CAMTA1: variants seen among roughly 807,000 people sequenced by gnomAD.
CAMTA1 encodes the protein calmodulin binding transcription activator 1.
CAMTA1 carries 27 observed loss-of-function variants against 170.9 expected under a neutral mutation model. The observed-to-expected ratio is 0.16, with a 90% confidence interval of 0.12 to 0.22. The LOEUF (loss-of-function observed/expected upper bound fraction) is 0.22. CAMTA1 is among the 10% of genes least tolerant of loss of function. CAMTA1 has a pLI of 1.00. For missense variants in CAMTA1, 1,619 were observed against 2,217.2 expected (o/e 0.73, Z 5.42); for synonymous variants, 833 against 891.5 (o/e 0.93, Z 1.17).
intron 5 of CAMTA1, among the ~76,000 whole-genome samples, chr1:7,283,956 C>T (rs1346852709): frequency 6.6e-6 from 1 of 152,152 alleles, no homozygotes; most frequent in Non-Finnish European, 1.5e-5. Flanking sequence ...AGGAACTAGG[C>T]ATCTGGAGCC....
At chr1:6,888,019 A>G in intron 3 of CAMTA1, 1 of 1,136,452 alleles carries the variant, frequency 8.8e-7, no homozygotes, top group Non-Finnish European at 1.1e-6. Flanking sequence ...CTGTCCCCTC[A>G]GCAAGCTGCC....
At chr1:7,629,223 CAA>C (rs1000053895) in intron 6 of CAMTA1, among the ~76,000 whole-genome samples, 1 of 152,222 alleles carries the variant, frequency 6.6e-6, no homozygotes, top group Non-Finnish European at 1.5e-5. Flanking sequence ...AGGTCCCTGG[CAA>C]GAGAGAGAAG....
chr1:7,209,474 TC>T (rs893512304), intron 4 of CAMTA1, among the ~76,000 whole-genome samples: 1 of 152,212 alleles, frequency 6.6e-6, no homozygotes, highest in African/African-American at 2.4e-5. Context: ...ATTAATTGCA[TC>T]TTTGATGGTG....
chr1:7,767,417 G>C lies in CAMTA1; in HGVS notation c.*926G>C, dbSNP rs2097030253. 1 of 152,830 alleles carries C rather than the reference G, an allele frequency of 6.5e-6. No individual in the cohort carries two copies. The highest frequency in any genetic ancestry group is 1.5e-5 in the Non-Finnish European group (1 of 68,028). The allele number at this position is 152,830 out of a possible 1,614,324, so 9.5% of individuals were successfully genotyped here. ...AATCATGAACCTTGCCTGGACATTT[G>C]CCACCTAAACGATCAGTGTGGTGCT... On this transcript the variant is annotated 3_prime_UTR_variant, in exon 23 of 23. Transcript: ENST00000303635.
At chr1:6,930,898 G>A (rs1684287325) in intron 3 of CAMTA1, among the ~76,000 whole-genome samples, 1 of 152,240 alleles carries the variant, frequency 6.6e-6, no homozygotes, top group South Asian at 2.1e-4. Context: ...CCCTCAGCCT[G>A]GCTCTGGGCA....
At chr1:7,070,256 C>T (rs1263594312) in intron 3 of CAMTA1, among the ~76,000 whole-genome samples, 1 of 152,162 alleles carries the variant, frequency 6.6e-6, no homozygotes, top group Non-Finnish European at 1.5e-5. Context: ...ACGGAGGGGC[C>T]AGAAAGGAGG....
chr1:7,190,867 A>G (rs1389196647), intron 4 of CAMTA1, among the ~76,000 whole-genome samples: 1 of 152,214 alleles, frequency 6.6e-6, no homozygotes, highest in Non-Finnish European at 1.5e-5. Context: ...CATGTTTTAC[A>G]CATAAGGATA....
chr1:7,041,336 CA>C lies in CAMTA1; in HGVS notation c.235-49967del, dbSNP rs1277434716. On this transcript the variant is annotated intron_variant, in intron 3 of 22. Coordinates refer to ENST00000303635, the MANE Select transcript of CAMTA1 (RefSeq NM_015215.4). This position sits in a 1 kb window ranked among gnomAD's most constrained non-coding sequence, Gnocchi z 5.1. Reference sequence around the variant, plus strand: ...TGGGCTGTGGCTGCTGTGGCTTTGCCAGCATCTATTGTCTAAGAGGGCTGGG... The same window carrying C: ...TGGGCTGTGGCTGCTGTGGCTTTGCCGCATCTATTGTCTAAGAGGGCTGGG... Among the ~76,000 whole-genome samples, 14 of 152,342 alleles carry C rather than the reference CA, an allele frequency of 9.2e-5. No individual in the cohort carries two copies. Among genetic ancestry groups the C allele is most frequent in the African/African-American group, 3.4e-4 (14 of 41,588 alleles).
chr1:7,760,679 CTCTG>C (rs1308973827), intron 22 of CAMTA1, among the ~76,000 whole-genome samples: 1 of 152,192 alleles, frequency 6.6e-6, no homozygotes, highest in South Asian at 2.1e-4. Flanking sequence ...TATTGGGCCT[CTCTG>C]TCTTTTTTGT....
chr1:7,070,035 G>A (rs1188570390), intron 3 of CAMTA1, among the ~76,000 whole-genome samples: 1 of 152,158 alleles, frequency 6.6e-6, no homozygotes, highest in Non-Finnish European at 1.5e-5. Flanking sequence ...GGATGTGCGG[G>A]GCCTCCGGTG....
At chr1:7,103,637 A>G (rs1352550324) in intron 4 of CAMTA1, among the ~76,000 whole-genome samples, 1 of 133,700 alleles carries the variant, frequency 7.5e-6, no homozygotes, top group Non-Finnish European at 1.6e-5. Flanking sequence ...AACTACACAC[A>G]CGCACACACA....
intron 5 of CAMTA1, among the ~76,000 whole-genome samples, chr1:7,269,738 A>G (rs1207118576): frequency 6.6e-6 from 1 of 152,206 alleles, no homozygotes; most frequent in Non-Finnish European, 1.5e-5. Flanking sequence ...AGAGAGCAAC[A>G]TCAAATGATC....
At chr1:7,597,075 T>G (rs1328065056) in intron 6 of CAMTA1, among the ~76,000 whole-genome samples, 1 of 152,070 alleles carries the variant, frequency 6.6e-6, no homozygotes, top group African/African-American at 2.4e-5. Flanking sequence ...CTTGCTGACG[T>G]CCACCAACCT....
intron 3 of CAMTA1, among the ~76,000 whole-genome samples, chr1:6,834,119 G>T (rs1651768397): frequency 6.6e-6 from 1 of 150,704 alleles, no homozygotes. Context: ...ACTTTCCAGG[G>T]AGGCTTGGGT....
In CAMTA1 at chr1:7,665,046, G is replaced by A. The variant is rs757702504; in HGVS notation, c.2499G>A (p.Leu833=). Residue 833 remains leucine (L), a synonymous_variant, in exon 9 of 23, where the codon CTG becomes CTA. Coordinates refer to ENST00000303635, the MANE Select transcript of CAMTA1 (RefSeq NM_015215.4). This position sits in a 1 kb window ranked among gnomAD's most constrained non-coding sequence, Gnocchi z 4.3. ...GCCCCCAGCAGGGTAGCCTGCAGCT[G>A]AGCAGCTCGGAGGGCGGGGCCAGCA... ...CCSPQQGSLQ[L]SSSEGGASTM... 12 of 1,578,994 alleles carry A rather than the reference G, an allele frequency of 7.6e-6. No individual in the cohort carries two copies. The highest frequency in any genetic ancestry group is 1.7e-5 in the Admixed American group (1 of 57,368).
intron 1 of CAMTA1, among the ~76,000 whole-genome samples, chr1:6,785,952 C>T (rs1377346366): frequency 6.6e-6 from 1 of 150,500 alleles, no homozygotes; most frequent in Non-Finnish European, 1.5e-5. Flanking sequence ...GGCCCCCGCA[C>T]CCCCGGCGCT....
intron 16 of CAMTA1, among the ~76,000 whole-genome samples, chr1:7,740,064 C>G (rs543704702): frequency 6.6e-6 from 1 of 151,950 alleles, no homozygotes; most frequent in Non-Finnish European, 1.5e-5. Flanking sequence ...CCTACCACAA[C>G]ACATGGGAAT....
chr1:7,687,591 C>T (rs993314950), intron 11 of CAMTA1, among the ~76,000 whole-genome samples: 3 of 152,148 alleles, frequency 2.0e-5, no homozygotes, highest in African/African-American at 7.2e-5. Context: ...CTCCCACTGC[C>T]CCATCCACTG....
intron 4 of CAMTA1, among the ~76,000 whole-genome samples, chr1:7,238,702 G>A (rs928904431): frequency 1.3e-5 from 2 of 152,192 alleles, no homozygotes; most frequent in Non-Finnish European, 2.9e-5. Flanking sequence ...TGACCAACAT[G>A]GTGAAACCCT....
Sources: gnomAD v4.1 joint callset for allele counts (sites outside exome capture counted in the v4.1 genomes callset) on GRCh38, gnomAD v4.1.1 for gene constraint, Gnocchi (gnomAD v3.1) non-coding constraint, MANE v1.5 for transcripts, NCBI Gene and HGNC (gene_info 2026-07-23, HGNC 2026-07-21) for gene names.